LMNTD1: variants seen among roughly 807,000 people sequenced by gnomAD.
LMNTD1 encodes the protein lamin tail domain containing 1, also known as lamin tail domain-containing protein 1.
A neutral mutation model predicts 50.9 loss-of-function variants in LMNTD1; 35 were observed. That is an observed-to-expected ratio of 0.69 (90% CI 0.53 to 0.91). LMNTD1 has a LOEUF of 0.91. Among genes scored for constraint, LMNTD1 ranks in the 40% least tolerant of loss-of-function variants. The probability of loss-of-function intolerance (pLI) is 0.00; values close to 1 mark genes in which losing one functional copy is unlikely to be tolerated. For synonymous variants in LMNTD1, 153 were observed against 161.9 expected, an observed-to-expected ratio of 0.94 and a Z score of 0.42; for missense variants, 470 against 475.5, an observed-to-expected ratio of 0.99 and a Z score of 0.11.
At chr12:25,523,007 GCCT>G (rs1367952495) in intron 6 of LMNTD1, among the ~76,000 whole-genome samples, 2 of 151,996 alleles carry the variant, frequency 1.3e-5, no homozygotes, top group African/African-American at 4.8e-5. Flanking sequence ...CTTTATTTTA[GCCT>G]CCTTTTAATT....
At chr12:25,605,431 G>T (rs1401246736) in intron 1 of LMNTD1, among the ~76,000 whole-genome samples, 1 of 152,162 alleles carries the variant, frequency 6.6e-6, no homozygotes, top group African/African-American at 2.4e-5. Flanking sequence ...CCTATGTCCT[G>T]AATGGTATTG....
chr12:25,533,380 A>C (rs1408782923), intron 4 of LMNTD1, among the ~76,000 whole-genome samples: 2 of 152,158 alleles, frequency 1.3e-5, no homozygotes, highest in Admixed American at 1.3e-4. Context: ...ATTTGTAAAG[A>C]GATTGAGGAG....
chr12:25,634,846 A>G (rs1317551979), intron 1 of LMNTD1, among the ~76,000 whole-genome samples: 1 of 152,226 alleles, frequency 6.6e-6, no homozygotes, highest in Non-Finnish European at 1.5e-5. Context: ...GAGCATCCAA[A>G]TCAGCAAAGA....
At chr12:25,593,956 C>A (rs1945777175) in intron 1 of LMNTD1, among the ~76,000 whole-genome samples, 1 of 152,010 alleles carries the variant, frequency 6.6e-6, no homozygotes, top group Non-Finnish European at 1.5e-5. Flanking sequence ...ATTGAACAAG[C>A]CAAAGAAAGA....
At chr12:25,600,928 C>T (rs913627215) in intron 1 of LMNTD1, among the ~76,000 whole-genome samples, 1 of 151,878 alleles carries the variant, frequency 6.6e-6, no homozygotes, top group Non-Finnish European at 1.5e-5. Flanking sequence ...TACCATATGA[C>T]CTAGCAATCC....
intron 9 of LMNTD1, among the ~76,000 whole-genome samples, chr12:25,489,828 T>C (rs1450849557): frequency 1.3e-5 from 2 of 152,202 alleles, no homozygotes; most frequent in Non-Finnish European, 2.9e-5. Flanking sequence ...TGAAAGCACT[T>C]CCAAAATCTT....
intron 1 of LMNTD1, chr12:25,630,837 G>A (rs2136595068): frequency 6.6e-6 from 1 of 152,400 alleles, no homozygotes; most frequent in South Asian, 2.1e-4. Context: ...AGAACTCAGG[G>A]GAGGGCACAA....
chr12:25,608,697 GA>G (rs1419553862), intron 1 of LMNTD1, among the ~76,000 whole-genome samples: 19 of 152,330 alleles, frequency 1.2e-4, no homozygotes, highest in South Asian at 1.2e-3. Flanking sequence ...TCTGCTGAGA[GA>G]TCTGCTGTTA....
At chr12:25,595,721 A>G (rs1945829650) in intron 1 of LMNTD1, among the ~76,000 whole-genome samples, 1 of 152,132 alleles carries the variant, frequency 6.6e-6, no homozygotes, top group African/African-American at 2.4e-5. Flanking sequence ...AAAGGAAATA[A>G]CCAACATCAC....
chr12:25,484,114 G>A (rs1203737510), intron 9 of LMNTD1, among the ~76,000 whole-genome samples: 1 of 151,958 alleles, frequency 6.6e-6, no homozygotes, highest in African/African-American at 2.4e-5. Flanking sequence ...AGTTGAGAAT[G>A]AAAGAGACAT....
chr12:25,518,821 C>A lies in LMNTD1; in HGVS notation c.1163G>T (p.Arg388Leu), dbSNP rs113088397. The A allele has an allele frequency of 3.3e-4, 537 of 1,614,062 alleles. 2 individuals are homozygous for A. The African/African-American group carries it at 6.3e-3, about 19-fold the overall frequency. The change falls in exon 8 of 10, where the codon CGG (arginine) becomes CTG (leucine). Residue 388 changes from arginine (R) to leucine (L), a missense_variant. By Grantham distance (102) the Arg-to-Leu change is moderately radical. Coordinates refer to ENST00000458174, the MANE Select transcript of LMNTD1 (RefSeq NM_001145728.2). The stretch of plus-strand genomic sequence containing the variant: ...TGAGGCTCGATTAGGTCTGGTTGAC[C>A]GAGTCCTGGGCTGTCTATCCAATCT... ...GGRLDRQPRT[R>L]STRPNRASGS...
rs150203577 is a variant in LMNTD1, at chr12:25,528,958, G to T, written c.492-2003C>A. ...TACTGCCATCACAACCTAGCTTTTG[G>T]AAAAGGCTATGTCACTAATTAATCA... is the stretch of plus-strand genomic sequence containing the variant. On this transcript the variant is annotated intron_variant, in intron 4 of 9. Coordinates refer to ENST00000458174, the MANE Select transcript of LMNTD1 (RefSeq NM_001145728.2). Among the ~76,000 whole-genome samples, 961 of 152,180 alleles carry T rather than the reference G, an allele frequency of 6.3e-3. 3 individuals carry two copies. Among genetic ancestry groups the T allele is most frequent in the African/African-American group, 7.6e-3 (317 of 41,520 alleles).
At chr12:25,647,247 C>A (rs999827835) in intron 1 of LMNTD1, among the ~76,000 whole-genome samples, 1 of 152,162 alleles carries the variant, frequency 6.6e-6, no homozygotes, top group Non-Finnish European at 1.5e-5. Context: ...TGTAATCCCA[C>A]CAAGGCAGGT....
At chr12:25,507,394 C>T (rs1489570638) in intron 8 of LMNTD1, among the ~76,000 whole-genome samples, 1 of 152,156 alleles carries the variant, frequency 6.6e-6, no homozygotes, top group Non-Finnish European at 1.5e-5. Flanking sequence ...AACCAATAGC[C>T]TATTAAGGGA....
chr12:25,590,411 A>T (rs1945661078), intron 1 of LMNTD1, among the ~76,000 whole-genome samples: 1 of 152,210 alleles, frequency 6.6e-6, no homozygotes, highest in Admixed American at 6.5e-5. Flanking sequence ...AGTTTCCCAA[A>T]GCCTTGCCAC....
chr12:25,556,772 T>G (rs1310117904), upstream of LMNTD1, among the ~76,000 whole-genome samples: 1 of 152,220 alleles, frequency 6.6e-6, no homozygotes, highest in African/African-American at 2.4e-5. Context: ...TCCATATTCT[T>G]AAGTTTAAAA....
rs768659667 is a variant in LMNTD1, at chr12:25,648,497, G to C, written c.55C>G (p.His19Asp). Residue 19 changes from histidine to aspartate, a missense_variant, in exon 1 of 8, where the codon CAC (histidine) becomes GAC (aspartate). Coordinates refer to the LMNTD1 transcript ENST00000445693. ...CCAGCATTCATTTCTCACTTACTGT[G>C]GTGGGTCTGGACTCTGGAAACACCG... is the stretch of plus-strand genomic sequence containing the variant. The C allele has an allele frequency of 3.2e-6, 5 of 1,551,130 alleles. No individual in the cohort carries two copies. In the Admixed American group the frequency reaches 9.8e-5, roughly 30 times the overall value.
Position 25,498,932 on chromosome 12 carries a change from C to T in LMNTD1, c.*22+4806G>A, listed in dbSNP as rs73074346. Among the ~76,000 whole-genome samples the T allele has an allele frequency of 8.1e-3, 1,233 of 152,206 alleles. 13 individuals carry two copies. The highest frequency in any genetic ancestry group is 0.051 in the Middle Eastern group (15 of 292). On this transcript the variant is annotated intron_variant, in intron 9 of 9. Coordinates refer to ENST00000458174, the MANE Select transcript of LMNTD1 (RefSeq NM_001145728.2). Reference sequence around the variant, plus strand: ...ATGCCTGGTGAAATGTAATTCTGACCGGAATGCTTCAGTTGTTATAGCAAT... The same window carrying T: ...ATGCCTGGTGAAATGTAATTCTGACTGGAATGCTTCAGTTGTTATAGCAAT...
chr12:25,544,364 T>TTTCTG (rs1943294289), intron 4 of LMNTD1, among the ~76,000 whole-genome samples: 1 of 53,078 alleles, frequency 1.9e-5, no homozygotes, highest in Admixed American at 2.3e-4. Context: ...TAGTCTATTT[T>TTTCTG]ATCTAAGTAT....
Sources: gnomAD v4.1 joint callset for allele counts (sites outside exome capture counted in the v4.1 genomes callset) on GRCh38, gnomAD v4.1.1 for gene constraint, MANE v1.5 for transcripts, NCBI Gene and HGNC (gene_info 2026-07-23, HGNC 2026-07-21) for gene names.